PPT1: variants seen among roughly 807,000 people sequenced by gnomAD.
The protein encoded by PPT1 is palmitoyl-protein thioesterase 1, also known as ceroid-palmitoyl-palmitoyl-protein thioesterase 1.
In PPT1, 24 loss-of-function variants were observed where a neutral mutation model predicts 44.0. The observed-to-expected ratio is 0.54, with a 90% CI of 0.39 to 0.77. The LOEUF (loss-of-function observed/expected upper bound fraction) is 0.77. Among genes scored for constraint, PPT1 ranks in the 30% least tolerant of loss-of-function variants. PPT1 has a pLI of 0.00. For missense variants in PPT1, 341 were observed against 378.8 expected (o/e 0.90, Z 0.83); for synonymous variants, 148 against 140.2 (o/e 1.06, Z -0.39).
chr1:40,089,368 C>T, intron 5 of PPT1, 42 bp downstream of exon 5: 1 of 1,492,246 alleles, frequency 6.7e-7, no homozygotes. Context: ...GATATTTTCA[C>T]ACGGTGACAG....
intron 7 of PPT1, among the ~76,000 whole-genome samples, chr1:40,077,251 C>A (rs754060146): frequency 5.3e-5 from 8 of 152,150 alleles, no homozygotes; most frequent in Non-Finnish European, 8.8e-5. Context: ...TTGCAAGGCA[C>A]GGAAACAATT....
chr1:40,075,689 C>T (rs1234981330), intron 8 of PPT1, among the ~76,000 whole-genome samples: 3 of 151,920 alleles, frequency 2.0e-5, no homozygotes, highest in Non-Finnish European at 4.4e-5. Context: ...TAGGGCTGGG[C>T]GTGGTGGCTC....
intron 8 of PPT1, among the ~76,000 whole-genome samples, chr1:40,076,324 G>A (rs542907230): frequency 6.6e-6 from 1 of 152,094 alleles, no homozygotes; most frequent in Non-Finnish European, 1.5e-5. Flanking sequence ...AATTAGCCAG[G>A]TGTGATGGCA....
At chr1:40,075,983 A>G (rs1007927067) in intron 8 of PPT1, among the ~76,000 whole-genome samples, 3 of 149,542 alleles carry the variant, frequency 2.0e-5, no homozygotes, top group Non-Finnish European at 4.5e-5. Flanking sequence ...AAAAAAAAAA[A>G]AAAAAAAATC....
At chr1:40,094,305 C>T (rs1046615752) in intron 1 of PPT1, among the ~76,000 whole-genome samples, 3 of 152,144 alleles carry the variant, frequency 2.0e-5, no homozygotes, top group African/African-American at 7.2e-5. Context: ...ATAAGGAGCA[C>T]CCAATCCAGA....
Position 40,092,430 on chromosome 1 carries a change from A to T in PPT1, c.202T>A (p.Leu68Ile). ...VEKKIPGIYV[L>I]SLEIGKTLME... ...AGGGTCTTCCCAATCTCTAAAGATA[A>T]GACGTAAATTCCAGGTATTTTCTTC... Residue 68 changes from leucine (L) to isoleucine (I), a missense_variant, in exon 2 of 9, where the codon TTA (leucine) becomes ATA (isoleucine). Coordinates refer to ENST00000642050, the MANE Select transcript of PPT1 (RefSeq NM_000310.4). The T allele has an allele frequency of 6.2e-7, 1 of 1,613,472 alleles. No individual in the cohort carries two copies. Among genetic ancestry groups the T allele is most frequent in the Non-Finnish European group, 8.5e-7 (1 of 1,179,366 alleles).
downstream of PPT1, chr1:40,071,934 T>C (rs1648119393): frequency 2.4e-6 from 1 of 411,278 alleles, no homozygotes; most frequent in Non-Finnish European, 4.3e-6. Context: ...ACAATGAGCA[T>C]GAAGGTAGCA....
At chr1:40,077,178 C>T (rs1450863767) in intron 7 of PPT1, among the ~76,000 whole-genome samples, 16 of 152,210 alleles carry the variant, frequency 1.1e-4, no homozygotes, top group Admixed American at 9.8e-4. Context: ...GTGAAAAATT[C>T]CTGTGCTGAG....
intron 7 of PPT1, 113 bp downstream of exon 7, chr1:40,078,447 C>G: frequency 9.5e-7 from 1 of 1,051,056 alleles, no homozygotes; most frequent in South Asian, 1.3e-5. Flanking sequence ...GGTGATCCAC[C>G]CGCCTTGGCC....
rs960514282 is a variant in PPT1 at position 40,091,991 on chromosome 1, A to C, written c.362+54T>G. 1.4e-5 allele frequency: 22 copies of C among 1,605,262 alleles called. No individual in the cohort carries two copies. The Admixed American group carries it at 3.5e-4, about 26-fold the overall frequency. The stretch of plus-strand genomic sequence containing the variant: ...GGAGGAGTGGATTTATCTGAATAAA[A>C]GAAACAAAAATCAATTCCATATAAG... On this transcript the variant is annotated intron_variant, in intron 3 of 8. Transcript: ENST00000642050.
In PPT1 at chr1:40,073,038, C is replaced by T. The variant is rs1472635201; in HGVS notation, c.*1023G>A. ...ACTGTAACAGGAATTCTCAGGAGTC[C>T]TTAGACACTCTAATGTGGGTTGATC... On this transcript the variant is annotated 3_prime_UTR_variant, in exon 9 of 9. Transcript: ENST00000642050. 2 of 152,166 alleles carry T rather than the reference C, an allele frequency of 1.3e-5. No homozygotes were observed. Among genetic ancestry groups the T allele is most frequent in the Non-Finnish European group, 2.9e-5 (2 of 68,038 alleles). 9.4% of individuals were successfully genotyped at this position (152,166 alleles called of 1,614,324 possible).
Position 40,073,869 on chromosome 1 carries a change from C to G in PPT1, c.*192G>C, listed in dbSNP as rs943634953. On this transcript the variant is annotated 3_prime_UTR_variant, in exon 9 of 9. Transcript: ENST00000642050. The stretch of plus-strand genomic sequence containing the variant: ...CCATGGTAATTAAACTTGCATTCAA[C>G]ACCATATGGTAACAGAAGATGGCAA... 1.3e-6 allele frequency: 1 copy of G among 777,886 alleles called. No homozygotes were observed. Among genetic ancestry groups the G allele is most frequent in the East Asian group, 2.5e-5 (1 of 39,526 alleles). The allele number at this position is 777,886 out of a possible 1,614,324, so 48.2% of individuals were successfully genotyped here.
chr1:40,076,735 G>A, intron 8 of PPT1, 107 bp downstream of exon 8: 2 of 1,599,680 alleles, frequency 1.3e-6, no homozygotes, highest in Non-Finnish European at 1.7e-6. Flanking sequence ...AGTACCTAGT[G>A]CTCTGAGGTG....
chr1:40,096,005 T>C (rs116449225), intron 1 of PPT1, among the ~76,000 whole-genome samples: 3,340 of 152,262 alleles, frequency 0.022, 118 homozygotes, highest in African/African-American at 0.076. Context: ...TGCTTACTCA[T>C]TTCCAGCCAC....
At chr1:40,096,502 C>A (rs926846218) in intron 1 of PPT1, among the ~76,000 whole-genome samples, 4 of 152,058 alleles carry the variant, frequency 2.6e-5, no homozygotes, top group African/African-American at 7.2e-5. Flanking sequence ...CACACCTGAC[C>A]TCATGTGATG....
At chr1:40,077,069 C>T (rs968111734) in intron 7 of PPT1, among the ~76,000 whole-genome samples, 156 bp from the exon 8 acceptor site, 4 of 152,232 alleles carry the variant, frequency 2.6e-5, no homozygotes, top group Middle Eastern at 3.2e-3. Flanking sequence ...TGAGTCATCT[C>T]TTCTTAAGGG....
At chr1:40,085,847 G>A (rs958996899) in intron 5 of PPT1, among the ~76,000 whole-genome samples, 9 of 152,130 alleles carry the variant, frequency 5.9e-5, no homozygotes, top group Non-Finnish European at 2.9e-5. Flanking sequence ...TATTGTGGTG[G>A]TCTAGAACCA....
intron 3 of PPT1, among the ~76,000 whole-genome samples, 187 bp from the exon 4 acceptor site, chr1:40,091,586 A>G (rs983641002): frequency 1.1e-4 from 16 of 152,212 alleles, no homozygotes; most frequent in African/African-American, 3.9e-4. Flanking sequence ...AGCTCCAGCC[A>G]GGCATGGTGG....
chr1:40,097,150 G>C lies in PPT1; in HGVS notation c.89C>G (p.Pro30Arg). The change falls in exon 1 of 9, where the codon CCG becomes CGG. Residue 30 changes from proline to arginine, a missense_variant. Transcript: ENST00000642050. The part of the protein sequence containing the change: ...ASRALQHLDP[P>R]APLPLVIWHG... ...CCAGATCACCAACGGCAGCGGCGCC[G>C]GCGGGTCCAGATGCTGCAGCGCCCG... 6 of 1,614,128 alleles carry C rather than the reference G, an allele frequency of 3.7e-6. No homozygotes were observed. The highest frequency in any genetic ancestry group is 3.4e-6 in the Non-Finnish European group (4 of 1,179,982).
Sources: allele counts gnomAD v4.1 joint callset (sites outside exome capture counted in the v4.1 genomes callset), GRCh38; gene constraint gnomAD v4.1.1; transcripts MANE v1.5; gene names NCBI Gene and HGNC (gene_info 2026-07-23, HGNC 2026-07-21).